NEXMIF: variants seen among roughly 807,000 people sequenced by gnomAD.
NEXMIF encodes the protein XLMR protein related to neurite extension.
In NEXMIF, 8 loss-of-function variants were observed where a neutral mutation model predicts 62.1. The observed-to-expected ratio is 0.13, with a 90% CI of 0.08 to 0.23. The LOEUF is 0.23. Among genes scored for constraint, NEXMIF ranks in the 10% least tolerant of loss-of-function variants. The probability of loss-of-function intolerance (pLI) is 1.00; values close to 1 mark genes in which losing one functional copy is unlikely to be tolerated. For missense variants in NEXMIF, 976 were observed against 1,113.3 expected (o/e 0.88, Z 1.75); for synonymous variants, 404 against 416.6 (o/e 0.97, Z 0.37).
At position 74,787,833 on chromosome X, in the gene NEXMIF, T is replaced by A. The variant is rs915436468; in HGVS notation, c.-47-42136A>T. Among the ~76,000 whole-genome samples the A allele has an allele frequency of 2.7e-5, 3 of 112,036 alleles. No individual in the cohort carries two copies. The East Asian group carries it at 8.4e-4, about 31-fold the overall frequency. On this transcript the variant is annotated intron_variant, in intron 1 of 3. Coordinates refer to ENST00000055682, the MANE Select transcript of NEXMIF (RefSeq NM_001008537.3). The stretch of plus-strand genomic sequence containing the variant: ...TGATGATTATTGGTTTCTGCACTGC[T>A]GGGAAGAGAGAGTACACTCCTCAAA...
At chrX:74,868,078 C>A (rs1480632633) in intron 1 of NEXMIF, among the ~76,000 whole-genome samples, 3 of 111,886 alleles carry the variant, frequency 2.7e-5, no homozygotes, top group Non-Finnish European at 5.6e-5. Context: ...CAATAAGATA[C>A]CATCTTATGC....
chrX:74,767,392 C>T (rs779933888), intron 1 of NEXMIF, among the ~76,000 whole-genome samples: 66 of 112,666 alleles, frequency 5.9e-4, no homozygotes, highest in Admixed American at 9.3e-4. Context: ...TCTGGGAGCT[C>T]CATCCCAGGT....
intron 1 of NEXMIF, among the ~76,000 whole-genome samples, chrX:74,796,080 A>G (rs1320746503): frequency 1.7e-4 from 15 of 87,807 alleles, no homozygotes; most frequent in Non-Finnish European, 4.3e-5. Flanking sequence ...AGTTAGAGAC[A>G]TCAATATAAA....
intron 1 of NEXMIF, among the ~76,000 whole-genome samples, chrX:74,764,307 A>G (rs978921192): frequency 1.8e-5 from 2 of 111,988 alleles, no homozygotes; most frequent in Non-Finnish European, 3.8e-5. Context: ...TTTGCATCCC[A>G]GGGATGAAGT....
At chrX:74,825,001 A>G (rs1260865868) in intron 1 of NEXMIF, among the ~76,000 whole-genome samples, 1 of 110,910 alleles carries the variant, frequency 9.0e-6, no homozygotes, top group Non-Finnish European at 1.9e-5. Flanking sequence ...ACTAATTTAC[A>G]TTCCTATCAA....
At chrX:74,739,979 T>C (rs1161857583) in intron 3 of NEXMIF, 121 bp downstream of exon 3, 8 of 586,905 alleles carry the variant, frequency 1.4e-5, no homozygotes, top group African/African-American at 2.3e-5. Context: ...AAGAAGGGAA[T>C]GGGACAGTTT....
intron 1 of NEXMIF, among the ~76,000 whole-genome samples, chrX:74,857,571 G>A (rs191696334): frequency 4.0e-4 from 45 of 111,973 alleles, no homozygotes; most frequent in Admixed American, 2.1e-3. Context: ...GGCTTTGGGT[G>A]AGACCCAGCA....
intron 1 of NEXMIF, among the ~76,000 whole-genome samples, chrX:74,874,215 A>T (rs1391663054): frequency 4.6e-5 from 5 of 109,877 alleles, no homozygotes; most frequent in Admixed American, 1.0e-4. Context: ...ACATCTGGCT[A>T]GCCAGTTTTC....
Position 74,743,078 on chromosome X carries a change from T to C in NEXMIF, c.1479A>G (p.Leu493=), listed in dbSNP as rs1301084752. 1.7e-6 allele frequency: 2 copies of C among 1,210,584 alleles called. No individual in the cohort carries two copies. Among genetic ancestry groups the C allele is most frequent in the Non-Finnish European group, 1.1e-6 (1 of 894,740 alleles). The change falls in exon 3 of 4, where the codon CTA becomes CTG. Residue 493 remains leucine, a synonymous_variant. Coordinates refer to ENST00000055682, the MANE Select transcript of NEXMIF (RefSeq NM_001008537.3). ...CACCCTCTAGTGAGTCAACATCATA[T>C]AGATAATCTTCACTGTATCTGACTT... The part of the protein sequence containing the change: ...KRKVRYSEDY[L]YDVDSLEGEK...
At chrX:74,840,697 T>C (rs1205352888) in intron 1 of NEXMIF, among the ~76,000 whole-genome samples, 1 of 112,175 alleles carries the variant, frequency 8.9e-6, no homozygotes, top group Non-Finnish European at 1.9e-5. Flanking sequence ...ATCTTCTGTA[T>C]ATGGCTAGCC....
intron 1 of NEXMIF, among the ~76,000 whole-genome samples, chrX:74,878,103 T>C (rs2080645164): frequency 8.9e-6 from 1 of 111,739 alleles, no homozygotes; most frequent in Non-Finnish European, 1.9e-5. Flanking sequence ...TTCTGTTTTT[T>C]CCCCATCTTT....
At chrX:74,787,114 A>AAAG (rs1189012107) in intron 1 of NEXMIF, among the ~76,000 whole-genome samples, 1 of 105,939 alleles carries the variant, frequency 9.4e-6, no homozygotes, top group East Asian at 3.0e-4. Flanking sequence ...CAAAAAAAAA[A>AAAG]AAAAAAAAAA....
At chrX:74,834,970 T>G (rs1438424230) in intron 1 of NEXMIF, among the ~76,000 whole-genome samples, 2 of 111,873 alleles carry the variant, frequency 1.8e-5, no homozygotes, top group African/African-American at 6.5e-5. Flanking sequence ...TTTCTAGATA[T>G]TGTAGGTGTG....
intron 1 of NEXMIF, among the ~76,000 whole-genome samples, chrX:74,848,194 A>G (rs2080499628): frequency 8.9e-6 from 1 of 112,134 alleles, no homozygotes; most frequent in African/African-American, 3.2e-5. Context: ...AATGAAAATT[A>G]CTTTTAGCAA....
chrX:74,740,136 T>C lies in NEXMIF; in HGVS notation c.4421A>G (p.Lys1474Arg). ...GKHMEREQVH[K>R]DESGTASFEK... is the part of the protein sequence containing the mutation. ...AAAAGAAGCTGTCCCAGACTCATCC[T>C]TGTGGACCTGTTCTCGCTCCATGTG... The change falls in exon 3 of 4, where the codon AAG (lysine) becomes AGG (arginine). Residue 1474 changes from lysine to arginine, a missense_variant. By Grantham distance (26) the Lys-to-Arg change is conservative (BLOSUM62 2). This residue lies in a region of NEXMIF where 137 missense variants were observed against 128.9 expected (regional missense o/e 1.06). Transcript: ENST00000055682. The C allele has an allele frequency of 8.3e-7, 1 of 1,211,170 alleles. No individual in the cohort carries two copies. The highest frequency in any genetic ancestry group is 3.0e-5 in the East Asian group (1 of 33,830).
intron 1 of NEXMIF, among the ~76,000 whole-genome samples, chrX:74,875,067 G>C (rs1440663259): frequency 9.0e-6 from 1 of 111,485 alleles, no homozygotes; most frequent in Admixed American, 9.5e-5. Context: ...TCCCTGTCTT[G>C]TGCCAGTTTT....
At chrX:74,884,712 C>A (rs931168283) in intron 1 of NEXMIF, among the ~76,000 whole-genome samples, 2 of 111,329 alleles carry the variant, frequency 1.8e-5, no homozygotes, top group Non-Finnish European at 3.8e-5. Context: ...TTTTAACACC[C>A]CACTGTCAAC....
chrX:74,749,091 TACAA>T (rs1569336913), intron 1 of NEXMIF, among the ~76,000 whole-genome samples: 1 of 111,493 alleles, frequency 9.0e-6, no homozygotes, highest in Non-Finnish European at 1.9e-5. Flanking sequence ...GAAAGCAAGC[TACAA>T]ACAAATTGTA....
chrX:74,853,859 T>C (rs2080524592), intron 1 of NEXMIF, among the ~76,000 whole-genome samples: 1 of 110,360 alleles, frequency 9.1e-6, no homozygotes, highest in South Asian at 3.7e-4. Flanking sequence ...CCTGGACCCA[T>C]ACAACTTACC....
Sources: gnomAD v4.1 joint callset for allele counts (sites outside exome capture counted in the v4.1 genomes callset) on GRCh38, gnomAD v4.1.1 for gene constraint, gnomAD v4.1.1 regional missense constraint, MANE v1.5 for transcripts, NCBI Gene and HGNC (gene_info 2026-07-23, HGNC 2026-07-21) for gene names.